Variants in BBS9 observed in about 807,000 individuals in gnomAD.
BBS9 encodes the protein Bardet-Biedl syndrome 9.
BBS9 carries 89 observed loss-of-function variants against 117.7 expected under a neutral mutation model. The observed-to-expected ratio is 0.76, with a 90% CI of 0.64 to 0.90. BBS9 has a LOEUF of 0.90. BBS9 is among the 40% of genes least tolerant of loss of function. The pLI is 0.00. For synonymous variants in BBS9, 379 were observed against 370.9 expected (o/e 1.02, Z -0.25); for missense variants, 982 against 1,042.2 (o/e 0.94, Z 0.80).
chr7:33,548,971 C>T (rs1396455781), intron 21 of BBS9, among the ~76,000 whole-genome samples: 1 of 151,408 alleles, frequency 6.6e-6, no homozygotes, highest in African/African-American at 2.4e-5. Context: ...ATCACCAAGG[C>T]AATCCTAAGC....
chr7:33,361,494 T>A (rs916793601), intron 16 of BBS9, among the ~76,000 whole-genome samples: 3 of 152,186 alleles, frequency 2.0e-5, no homozygotes, highest in African/African-American at 7.2e-5. Context: ...GAAAACTTTA[T>A]TCAAATACCA....
At chr7:33,635,179 C>T (rs939587764) in exon 22 of BBS9, among the ~76,000 whole-genome samples, 1 of 152,018 alleles carries the variant, frequency 6.6e-6, no homozygotes, top group Non-Finnish European at 1.5e-5. Flanking sequence ...GTTCACAGAC[C>T]CCAGGACTGG....
At chr7:33,582,009 T>G (rs1860031280) in intron 21 of BBS9, among the ~76,000 whole-genome samples, 1 of 152,176 alleles carries the variant, frequency 6.6e-6, no homozygotes, top group South Asian at 2.1e-4. Context: ...CTTCCAGGCC[T>G]TTGCAGAACA....
chr7:33,527,607 C>A (rs554643821), intron 20 of BBS9, among the ~76,000 whole-genome samples: 40 of 152,306 alleles, frequency 2.6e-4, no homozygotes, highest in African/African-American at 9.6e-4. Context: ...TGCTTCGGCT[C>A]GCGCACGGTG....
chr7:33,264,836 A>G (rs1798546377), intron 7 of BBS9, among the ~76,000 whole-genome samples: 1 of 152,142 alleles, frequency 6.6e-6, no homozygotes, highest in South Asian at 2.1e-4. Context: ...TGCATCTATG[A>G]ATATTTAGTT....
chr7:33,432,891 A>G (rs191488983), intron 19 of BBS9, among the ~76,000 whole-genome samples: 1 of 152,076 alleles, frequency 6.6e-6, no homozygotes, highest in Admixed American at 6.5e-5. Flanking sequence ...TTTACCTGCT[A>G]GTTTCTTCTC....
intron 21 of BBS9, among the ~76,000 whole-genome samples, chr7:33,538,490 T>C (rs912143241): frequency 6.6e-6 from 1 of 152,156 alleles, no homozygotes; most frequent in Admixed American, 6.5e-5. Context: ...AAAACTTGAG[T>C]CAATGACCTT....
rs74631606 is a variant in BBS9, at chr7:33,150,838, G to A, written c.113-1863G>A. Among the ~76,000 whole-genome samples the A allele has an allele frequency of 0.018, 2,761 of 152,286 alleles. 232 individuals carry two copies. In the East Asian group the frequency reaches 0.28, roughly 15 times the overall value. ...AAGGCAAAACTTAAAATGAATAGAT[G>A]TTTCTGCATAAAGAGTAATACATCA... On this transcript the variant is annotated intron_variant, in intron 2 of 22. Coordinates refer to ENST00000242067, the MANE Select transcript of BBS9 (RefSeq NM_198428.3).
chr7:33,546,403 T>C (rs1853378809), intron 21 of BBS9, among the ~76,000 whole-genome samples: 1 of 152,198 alleles, frequency 6.6e-6, no homozygotes, highest in South Asian at 2.1e-4. Context: ...TCTGTGTACA[T>C]CCTGATGAAT....
At chr7:33,576,160 T>C (rs1348850506) in intron 21 of BBS9, among the ~76,000 whole-genome samples, 1 of 152,192 alleles carries the variant, frequency 6.6e-6, no homozygotes, top group African/African-American at 2.4e-5. Context: ...GGAAACCCTG[T>C]CATCTCAGCC....
Position 33,248,847 on chromosome 7 carries a change from G to A in BBS9, c.443-8389G>A, listed in dbSNP as rs1381907840. On this transcript the variant is annotated intron_variant, in intron 5 of 22. Coordinates refer to ENST00000242067, the MANE Select transcript of BBS9 (RefSeq NM_198428.3). Reference sequence around the variant, plus strand: ...CTTGATGTTTCCTGTCTGCCTTTTTGACTACCTATACAGCTGTTTTTTGTG... The same window carrying A: ...CTTGATGTTTCCTGTCTGCCTTTTTAACTACCTATACAGCTGTTTTTTGTG... Among the ~76,000 whole-genome samples the A allele has an allele frequency of 3.3e-5, 5 of 152,178 alleles. No individual in the cohort carries two copies. In the East Asian group the frequency reaches 9.7e-4, roughly 29 times the overall value.
intron 20 of BBS9, among the ~76,000 whole-genome samples, chr7:33,529,718 T>G (rs1169533263): frequency 6.6e-6 from 1 of 152,168 alleles, no homozygotes; most frequent in Non-Finnish European, 1.5e-5. Flanking sequence ...ATTGTGGATT[T>G]GAGGACTATA....
At chr7:33,301,041 A>G (rs1806300994) in intron 9 of BBS9, among the ~76,000 whole-genome samples, 1 of 152,020 alleles carries the variant, frequency 6.6e-6, no homozygotes, top group Non-Finnish European at 1.5e-5. Flanking sequence ...TAGCTATATT[A>G]TTATAATTAT....
intron 7 of BBS9, among the ~76,000 whole-genome samples, chr7:33,266,168 A>G (rs553446864): frequency 6.6e-6 from 1 of 152,196 alleles, no homozygotes; most frequent in African/African-American, 2.4e-5. Context: ...CTGAGGATGT[A>G]TTCTGAAGGC....
At chr7:33,219,353 A>G (rs979576899) in intron 5 of BBS9, among the ~76,000 whole-genome samples, 7 of 152,162 alleles carry the variant, frequency 4.6e-5, no homozygotes, top group Admixed American at 2.0e-4. Context: ...AGGGCTGGGG[A>G]GTGCGGGCAC....
chr7:33,303,957 C>T (rs576947730), intron 9 of BBS9, among the ~76,000 whole-genome samples: 2 of 152,170 alleles, frequency 1.3e-5, no homozygotes, highest in East Asian at 3.9e-4. Context: ...AGTGTCTCTG[C>T]CTGGCCGCCC....
intron 9 of BBS9, among the ~76,000 whole-genome samples, chr7:33,291,734 G>A (rs1478889602): frequency 1.3e-5 from 2 of 152,106 alleles, no homozygotes; most frequent in Non-Finnish European, 2.9e-5. Flanking sequence ...TACAAAGTTT[G>A]GTGTTCTAAA....
At chr7:33,256,548 G>A (rs550372590) in intron 5 of BBS9, among the ~76,000 whole-genome samples, 6 of 151,880 alleles carry the variant, frequency 4.0e-5, no homozygotes, top group Non-Finnish European at 8.8e-5. Context: ...TTAGCTGTAT[G>A]ATTGTCCTTA....
chr7:33,400,893 A>G (rs1185426786), intron 19 of BBS9, among the ~76,000 whole-genome samples: 2 of 152,188 alleles, frequency 1.3e-5, no homozygotes, highest in African/African-American at 2.4e-5. Flanking sequence ...TAATTAAAAT[A>G]AATGTACTTT....
Sources: allele counts gnomAD v4.1 joint callset (sites outside exome capture counted in the v4.1 genomes callset), GRCh38; gene constraint gnomAD v4.1.1; transcripts MANE v1.5; gene names NCBI Gene and HGNC (gene_info 2026-07-23, HGNC 2026-07-21).